Variants in TANC1 observed in about 807,000 individuals in gnomAD.
TANC1 encodes protein TANC1.
Under a neutral mutation model 149.7 loss-of-function variants are expected in TANC1, and 77 were observed. That is an observed-to-expected ratio of 0.51 (90% CI 0.43 to 0.62). The LOEUF (loss-of-function observed/expected upper bound fraction) is 0.62. Among genes scored for constraint, TANC1 ranks in the 20% least tolerant of loss-of-function variants. The pLI, the probability that TANC1 is intolerant of heterozygous loss-of-function variation, is 0.00. For synonymous variants in TANC1, 854 were observed against 925.0 expected, an observed-to-expected ratio of 0.92 and a Z score of 1.39; for missense variants, 1,985 against 2,321.8, an observed-to-expected ratio of 0.85 and a Z score of 2.98.
chr2:159,179,015 T>C lies in TANC1; in HGVS notation c.2362T>C (p.Trp788Arg), dbSNP rs781071800. 6.2e-7 allele frequency: 1 copy of C among 1,614,050 alleles called. No individual in the cohort carries two copies. Among genetic ancestry groups the C allele is most frequent in the Non-Finnish European group, 8.5e-7 (1 of 1,179,998 alleles). ...TGGCCACATCCAGGGGGAGCAGGGA[T>C]GGGAAGACTTTCAGCAGAGGATGGA... ...NAGHIQGEQG[W>R]EDFQQRMDAL... Residue 788 changes from tryptophan (W) to arginine (R), a missense_variant, in exon 14 of 27, where the codon TGG (tryptophan) becomes CGG (arginine). Physicochemically the swap from Trp to Arg is moderately radical, Grantham distance 101 (BLOSUM62 -3). Transcript: ENST00000263635.
chr2:158,975,096 A>G (rs2033480141), intron 1 of TANC1, among the ~76,000 whole-genome samples: 1 of 152,026 alleles, frequency 6.6e-6, no homozygotes, highest in African/African-American at 2.4e-5. Flanking sequence ...AATACCTAAT[A>G]TAATGTAAAT....
At chr2:159,091,816 C>T (rs773020642) in intron 3 of TANC1, among the ~76,000 whole-genome samples, 9 of 152,132 alleles carry the variant, frequency 5.9e-5, no homozygotes, top group Non-Finnish European at 1.2e-4. Context: ...TTCTTGGATG[C>T]ATTTATTTTC....
At chr2:159,005,994 T>C (rs200082575) in intron 2 of TANC1, among the ~76,000 whole-genome samples, 2 of 152,014 alleles carry the variant, frequency 1.3e-5, no homozygotes, top group South Asian at 2.1e-4. Flanking sequence ...GGTCTGATTT[T>C]TAGTAATTAG....
chr2:159,157,002 G>A (rs1559362146), intron 7 of TANC1, among the ~76,000 whole-genome samples: 2 of 152,198 alleles, frequency 1.3e-5, no homozygotes, highest in Admixed American at 6.5e-5. Context: ...CATGCCTTGC[G>A]CAACACAGGT....
intron 1 of TANC1, among the ~76,000 whole-genome samples, chr2:158,969,261 C>T (rs1056764436): frequency 1.3e-5 from 2 of 152,194 alleles, no homozygotes; most frequent in African/African-American, 4.8e-5. Flanking sequence ...CCGCGGGGTC[C>T]TGGGCGCCCC....
At chr2:159,160,981 T>TC (rs2053993234) in intron 7 of TANC1, among the ~76,000 whole-genome samples, 4 of 148,460 alleles carry the variant, frequency 2.7e-5, no homozygotes, top group Middle Eastern at 3.4e-3. Context: ...CCGCCCCCTC[T>TC]CCCCCTCCAC....
At chr2:159,202,395 C>T (rs1274699814) in intron 19 of TANC1, among the ~76,000 whole-genome samples, 1 of 152,126 alleles carries the variant, frequency 6.6e-6, no homozygotes, top group Non-Finnish European at 1.5e-5. Flanking sequence ...GCAATCAACC[C>T]ACAGCCTTTA....
chr2:159,038,168 G>A (rs996472873), intron 2 of TANC1, among the ~76,000 whole-genome samples: 5 of 152,236 alleles, frequency 3.3e-5, no homozygotes, highest in African/African-American at 4.8e-5. Context: ...TGTTATTGGC[G>A]TATAGGAATG....
chr2:159,091,436 G>A (rs2045528409), intron 3 of TANC1, among the ~76,000 whole-genome samples: 1 of 152,188 alleles, frequency 6.6e-6, no homozygotes, highest in Admixed American at 6.5e-5. Flanking sequence ...GCACCCCTCT[G>A]GGAGTTTGGG....
intron 18 of TANC1, among the ~76,000 whole-genome samples, chr2:159,197,128 T>C (rs1221726836): frequency 6.6e-6 from 1 of 152,222 alleles, no homozygotes; most frequent in Non-Finnish European, 1.5e-5. Flanking sequence ...GTTTCTTCTG[T>C]CCTTGTGTTC....
intron 3 of TANC1, among the ~76,000 whole-genome samples, chr2:159,071,083 C>T (rs1265736649): frequency 6.6e-6 from 1 of 152,130 alleles, no homozygotes; most frequent in Non-Finnish European, 1.5e-5. Flanking sequence ...GAAGGCTGGT[C>T]CCTGTCTACT....
rs779632178 is a variant in TANC1 at position 159,219,793 on chromosome 2, G to A, written c.3604G>A (p.Ala1202Thr). ...AVVQYLVEEG[A>T]AIDQTDKNGR... ...GGTCCAGTATCTGGTTGAAGAAGGA[G>A]CTGCAATAGACCAGACAGACAAGAA... is the stretch of plus-strand genomic sequence containing the variant. Residue 1202 changes from alanine to threonine, a missense_variant, in exon 22 of 27, where the codon GCT (alanine) becomes ACT (threonine). Ala to Thr is a moderately conservative substitution (Grantham distance 58). Coordinates refer to ENST00000263635, the MANE Select transcript of TANC1 (RefSeq NM_033394.3). The A allele has an allele frequency of 1.6e-5, 26 of 1,614,060 alleles. No homozygotes were observed. In the South Asian group the frequency reaches 2.6e-4, roughly 16 times the overall value.
Position 159,175,180 on chromosome 2 carries a change from A to G in TANC1, c.1731A>G (p.Arg577=). Reference sequence around the variant, plus strand: ...TGCTGGAGCCACTCACAAACCTGAGAAATGGTACTTCGCAGCAGCTACCCA... The same window carrying G: ...TGCTGGAGCCACTCACAAACCTGAGGAATGGTACTTCGCAGCAGCTACCCA... ...RGVLEPLTNL[R]NEQKIPEEEY... Residue 577 remains arginine, a synonymous_variant, in exon 12 of 27, where the codon AGA becomes AGG. Transcript: ENST00000263635. 1 of 1,613,264 alleles carries G rather than the reference A, an allele frequency of 6.2e-7. No individual in the cohort carries two copies. Among genetic ancestry groups the G allele is most frequent in the Non-Finnish European group, 8.5e-7 (1 of 1,179,244 alleles).
intron 3 of TANC1, among the ~76,000 whole-genome samples, chr2:159,085,195 G>A (rs1303151824): frequency 6.6e-6 from 1 of 152,110 alleles, no homozygotes; most frequent in Non-Finnish European, 1.5e-5. Flanking sequence ...ACAAAGCCAG[G>A]ATACTTCTCA....
At chr2:159,172,806 T>C (rs2055400071) in intron 11 of TANC1, among the ~76,000 whole-genome samples, 1 of 152,248 alleles carries the variant, frequency 6.6e-6, no homozygotes, top group South Asian at 2.1e-4. Context: ...ACCGCACTCC[T>C]GCATTAAAGC....
intron 4 of TANC1, among the ~76,000 whole-genome samples, chr2:159,106,516 G>A (rs1030292854): frequency 3.9e-5 from 6 of 152,096 alleles, no homozygotes; most frequent in Non-Finnish European, 8.8e-5. Flanking sequence ...AATATTGTTT[G>A]GTAATAAAAT....
intron 1 of TANC1, among the ~76,000 whole-genome samples, chr2:158,998,604 GA>G (rs2036347061): frequency 6.6e-6 from 1 of 152,236 alleles, no homozygotes; most frequent in African/African-American, 2.4e-5. Context: ...GGTGAGCACA[GA>G]TGTGTGTGAT....
intron 14 of TANC1, 77 bp from the exon 15 acceptor site, chr2:159,185,714 G>C: frequency 2.2e-6 from 2 of 917,964 alleles, no homozygotes; most frequent in Non-Finnish European, 1.7e-6. Context: ...TAAGGCAATG[G>C]GTGGTGAATT....
rs756852390 is a variant in TANC1 at position 159,231,048 on chromosome 2, G to A, written c.*36G>A. The stretch of plus-strand genomic sequence containing the variant: ...ATCCCCATTTGTGGAATTTGGAAAC[G>A]TGTGTTGACTCCTGGTGGTAAATTA... On this transcript the variant is annotated 3_prime_UTR_variant, in exon 27 of 27. Coordinates refer to ENST00000263635, the MANE Select transcript of TANC1 (RefSeq NM_033394.3). 1.6e-5 allele frequency: 23 copies of A among 1,462,610 alleles called. No homozygotes were observed. Among genetic ancestry groups the A allele is most frequent in the Admixed American group, 8.4e-5 (4 of 47,642 alleles). The allele number at this position is 1,462,610 out of a possible 1,614,324, so 90.6% of individuals were successfully genotyped here.
Sources: allele counts gnomAD v4.1 joint callset (sites outside exome capture counted in the v4.1 genomes callset), GRCh38; gene constraint gnomAD v4.1.1; transcripts MANE v1.5; gene names NCBI Gene and HGNC (gene_info 2026-07-23, HGNC 2026-07-21).